The following LRP1B variants were observed in gnomAD, a reference collection of about 807,000 sequenced individuals.
LRP1B encodes low-density lipoprotein receptor-related protein 1B.
In LRP1B, 217 loss-of-function variants were observed where a neutral mutation model predicts 556.6. The observed-to-expected ratio is 0.39, with a 90% confidence interval of 0.35 to 0.44. The LOEUF (loss-of-function observed/expected upper bound fraction) is 0.44, where lower values mean the gene tolerates loss of function less well. LRP1B is among the 20% of genes least tolerant of loss of function. The pLI is 1.00. For missense variants in LRP1B, 5,053 were observed against 5,620.8 expected, an observed-to-expected ratio of 0.90 and a Z score of 3.23; for synonymous variants, 2,047 against 1,865.8, an observed-to-expected ratio of 1.10 and a Z score of -2.50.
chr2:141,158,934 T>C (rs1379402542), intron 7 of LRP1B, among the ~76,000 whole-genome samples: 1 of 152,178 alleles, frequency 6.6e-6, no homozygotes, highest in East Asian at 1.9e-4. Context: ...TTGCTGTTTA[T>C]TTTAAATTAC....
chr2:141,467,566 T>C (rs1476778231), intron 3 of LRP1B, among the ~76,000 whole-genome samples: 1 of 152,122 alleles, frequency 6.6e-6, no homozygotes, highest in Non-Finnish European at 1.5e-5. Flanking sequence ...TGAAGGCAGA[T>C]AGACGAACTG....
At chr2:141,004,401 C>G (rs1002702082) in intron 15 of LRP1B, among the ~76,000 whole-genome samples, 3 of 152,016 alleles carry the variant, frequency 2.0e-5, no homozygotes, top group African/African-American at 7.2e-5. Context: ...TAAACGTCAA[C>G]TGCCTGATTA....
Position 140,238,212 on chromosome 2 carries a change from T to C in LRP1B, c.13500A>G (p.Val4500=), listed in dbSNP as rs1326947412. The change falls in exon 89 of 91, where the codon GTA becomes GTG. Residue 4500 remains valine, a synonymous_variant. Transcript: ENST00000389484. ...GACCTCCATCGTTGTGATCATGATC[T>C]ACCTCATACATGTTATAAGATGGAT... is the stretch of plus-strand genomic sequence containing the variant. ...IGNPSYNMYE[V]DHDHNDGGLL... 8 of 1,603,344 alleles carry C rather than the reference T, an allele frequency of 5.0e-6. No homozygotes were observed. Among genetic ancestry groups the C allele is most frequent in the Middle Eastern group, 3.3e-4 (2 of 6,036 alleles).
At chr2:140,384,206 C>T (rs191255049) in intron 67 of LRP1B, among the ~76,000 whole-genome samples, 9 of 152,200 alleles carry the variant, frequency 5.9e-5, no homozygotes, top group East Asian at 1.9e-4. Flanking sequence ...AACATCCTTC[C>T]GTTATAAGGC....
At chr2:140,699,192 G>A (rs1045254246) in intron 41 of LRP1B, among the ~76,000 whole-genome samples, 3 of 151,886 alleles carry the variant, frequency 2.0e-5, no homozygotes, top group Non-Finnish European at 4.4e-5. Flanking sequence ...ATTAAAAAAC[G>A]ATTAAATAAA....
intron 2 of LRP1B, among the ~76,000 whole-genome samples, chr2:141,779,270 C>T (rs1468162879): frequency 6.6e-6 from 1 of 152,068 alleles, no homozygotes; most frequent in African/African-American, 2.4e-5. Flanking sequence ...GAAATGCTTT[C>T]CTATTATGTG....
chr2:140,279,686 A>G (rs548187972), intron 84 of LRP1B, among the ~76,000 whole-genome samples: 2 of 151,800 alleles, frequency 1.3e-5, no homozygotes, highest in East Asian at 3.9e-4. Context: ...CAAAGTATGA[A>G]GAATAGTATA....
At chr2:140,345,737 T>TAC (rs1203570241) in intron 77 of LRP1B, among the ~76,000 whole-genome samples, 6 of 121,194 alleles carry the variant, frequency 5.0e-5, no homozygotes, top group African/African-American at 1.4e-4. Context: ...CACATATATA[T>TAC]ACATATATAT....
At chr2:141,430,906 G>T (rs1354968130) in intron 3 of LRP1B, among the ~76,000 whole-genome samples, 2 of 151,954 alleles carry the variant, frequency 1.3e-5, no homozygotes, top group Non-Finnish European at 2.9e-5. Flanking sequence ...GAGGGAAGAG[G>T]ACTGCTTGAA....
chr2:140,961,483 A>G (rs986601763), intron 18 of LRP1B, among the ~76,000 whole-genome samples: 2 of 152,102 alleles, frequency 1.3e-5, no homozygotes, highest in Non-Finnish European at 2.9e-5. Context: ...AATGATTGAC[A>G]TATATTCTTC....
At chr2:140,915,674 A>C (rs2105245424) in intron 21 of LRP1B, among the ~76,000 whole-genome samples, 1 of 150,798 alleles carries the variant, frequency 6.6e-6, no homozygotes, top group Admixed American at 6.6e-5. Context: ...ATAAATAAAT[A>C]AATAAATAAA....
At chr2:140,748,704 GTA>G (rs1302480467) in intron 35 of LRP1B, among the ~76,000 whole-genome samples, 2 of 119,162 alleles carry the variant, frequency 1.7e-5, no homozygotes, top group Non-Finnish European at 3.4e-5. Context: ...TAAGTCCTAT[GTA>G]TATATATATA....
At chr2:142,007,314 T>C (rs899584458) in intron 1 of LRP1B, among the ~76,000 whole-genome samples, 1 of 152,170 alleles carries the variant, frequency 6.6e-6, no homozygotes, top group Non-Finnish European at 1.5e-5. Flanking sequence ...ATCAAATCAT[T>C]AGCAATATAA....
intron 37 of LRP1B, among the ~76,000 whole-genome samples, chr2:140,702,894 CTT>C (rs1257776259): frequency 6.6e-6 from 1 of 152,050 alleles, no homozygotes; most frequent in Non-Finnish European, 1.5e-5. Flanking sequence ...CCTTCTGTGT[CTT>C]CCCTGTACCA....
intron 46 of LRP1B, among the ~76,000 whole-genome samples, chr2:140,534,650 A>C (rs1690867840): frequency 6.6e-6 from 1 of 152,148 alleles, no homozygotes; most frequent in Non-Finnish European, 1.5e-5. Flanking sequence ...TATCTACAGA[A>C]TTCCCTGAGA....
At position 140,522,317 on chromosome 2, in the gene LRP1B, C is replaced by T. The variant is rs188130084; in HGVS notation, c.8026+3527G>A. On this transcript the variant is annotated intron_variant, in intron 49 of 90. Transcript: ENST00000389484. ...ATAATATGGAAACTAAAACTTGCTC[C>T]GAATGAATTTTGGGTAAACAATGAA... Among the ~76,000 whole-genome samples the T allele has an allele frequency of 5.9e-4, 89 of 151,708 alleles. 1 individual carries two copies. Among genetic ancestry groups the T allele is most frequent in the African/African-American group, 7.7e-4 (32 of 41,402 alleles).
chr2:141,705,940 GATTT>G (rs1467046090), intron 2 of LRP1B, among the ~76,000 whole-genome samples: 7 of 152,030 alleles, frequency 4.6e-5, no homozygotes, highest in African/African-American at 1.7e-4. Context: ...CACATTTCCA[GATTT>G]ATTTTTCTTT....
At chr2:141,184,107 G>C (rs1175054237) in intron 7 of LRP1B, among the ~76,000 whole-genome samples, 2 of 152,032 alleles carry the variant, frequency 1.3e-5, no homozygotes, top group African/African-American at 2.4e-5. Flanking sequence ...TAAATAGTTT[G>C]ATATTGAAGC....
At chr2:140,322,119 GTAAA>G in intron 81 of LRP1B, 31 bp from the exon 82 acceptor site, 1 of 1,598,006 alleles carries the variant, frequency 6.3e-7, no homozygotes, top group Non-Finnish European at 8.5e-7. Flanking sequence ...AAAGAAGTGT[GTAAA>G]TATAGATACA....
Sources: gnomAD v4.1 joint callset for allele counts (sites outside exome capture counted in the v4.1 genomes callset) on GRCh38, gnomAD v4.1.1 for gene constraint, MANE v1.5 for transcripts, NCBI Gene and HGNC (gene_info 2026-07-23, HGNC 2026-07-21) for gene names.